INTU: variants seen among roughly 807,000 people sequenced by gnomAD.
INTU encodes the protein protein inturned.
In INTU, 68 loss-of-function variants were observed where a neutral mutation model predicts 100.5. That is an observed-to-expected ratio of 0.68 (90% CI 0.56 to 0.83). The LOEUF is 0.83. Among genes scored for constraint, INTU ranks in the 40% least tolerant of loss-of-function variants. INTU has a pLI of 0.00. For missense variants in INTU, 1,071 were observed against 1,114.7 expected (o/e 0.96, Z 0.56); for synonymous variants, 357 against 395.7 (o/e 0.90, Z 1.16).
rs933766487 is a variant in INTU, at chr4:127,720,517, G to T, written c.*4081G>T. On this transcript the variant is annotated 3_prime_UTR_variant, in exon 16 of 16. Transcript: ENST00000335251. ...AGGTCCCACTTGATCCAGAGCTGAG[G>T]TCAAGTCCTGAATAACTTTGTTAAT... 2 of 152,088 alleles carry T rather than the reference G, an allele frequency of 1.3e-5. No individual in the cohort carries two copies. Among genetic ancestry groups the T allele is most frequent in the Non-Finnish European group, 2.9e-5 (2 of 68,000 alleles). The allele number at this position is 152,088 out of a possible 1,614,324, so 9.4% of individuals were successfully genotyped here. A position where few individuals can be genotyped will look rare whatever the true frequency, so the allele number is the denominator to read the frequency against.
At chr4:127,687,129 T>G (rs975479264) in intron 7 of INTU, 1 of 152,218 alleles carries the variant, frequency 6.6e-6, no homozygotes, top group South Asian at 2.1e-4. Context: ...TAAGAACTTA[T>G]GCTTGTTATG....
rs1208052965 is a variant in INTU at position 127,688,513 on chromosome 4, G to GCATTATGC, written c.1449+650_1449+657dup. On this transcript the variant is annotated intron_variant, in intron 8 of 15. Coordinates refer to ENST00000335251, the MANE Select transcript of INTU (RefSeq NM_015693.4). ...AGCATTTGTATTAGTATTAAATGAG[G>GCATTATGC]CATTATGCCATAGCCACTTCTCTGC... Among the ~76,000 whole-genome samples the GCATTATGC allele has an allele frequency of 2.0e-5, 3 of 152,102 alleles. No homozygotes were observed. The East Asian group carries it at 5.8e-4, about 29-fold the overall frequency.
intron 7 of INTU, among the ~76,000 whole-genome samples, chr4:127,684,862 A>T (rs905534556): frequency 1.3e-5 from 2 of 151,886 alleles, no homozygotes; most frequent in African/African-American, 2.4e-5. Flanking sequence ...ATATAACCAC[A>T]ACTGTGTTCT....
At position 127,680,802 on chromosome 4, in the gene INTU, A is replaced by C. The variant is rs924237330; in HGVS notation, c.1182-3607A>C. Among the ~76,000 whole-genome samples the C allele has an allele frequency of 4.5e-3, 677 of 151,408 alleles. 5 individuals carry two copies. The highest frequency in any genetic ancestry group is 0.016 in the African/African-American group (657 of 41,240). On this transcript the variant is annotated intron_variant, in intron 6 of 15. Transcript: ENST00000335251. ...AAGGGTATTCAATTAGGAAAAGAGG[A>C]AGTCAAATTGTCCCTGTTTGCAGAT... is the stretch of plus-strand genomic sequence containing the variant.
intron 2 of INTU, among the ~76,000 whole-genome samples, chr4:127,653,006 C>A (rs1384706237): frequency 6.6e-6 from 1 of 151,240 alleles, no homozygotes; most frequent in South Asian, 2.1e-4. Context: ...AGTTTATTTG[C>A]GTAGAGGTGT....
chr4:127,678,042 G>A (rs1312221876), intron 6 of INTU, among the ~76,000 whole-genome samples: 2 of 152,084 alleles, frequency 1.3e-5, no homozygotes, highest in African/African-American at 4.8e-5. Flanking sequence ...AAGAAGGGAA[G>A]TTTAGAGAAA....
Position 127,726,703 on chromosome 4 carries a change from GT to G in INTU, c.*10271del, listed in dbSNP as rs1731424278. ...AAGCTACTTTTATACTATATTGATA[GT>G]TTTAAATAAAACTGGTTTGGAGGTT... On this transcript the variant is annotated 3_prime_UTR_variant, in exon 16 of 16. Coordinates refer to ENST00000335251, the MANE Select transcript of INTU (RefSeq NM_015693.4). 6.6e-6 allele frequency: 1 copy of G among 152,110 alleles called. No individual in the cohort carries two copies. Among genetic ancestry groups the G allele is most frequent in the Non-Finnish European group, 1.5e-5 (1 of 68,022 alleles). The allele number at this position is 152,110 out of a possible 1,614,324, so 9.4% of individuals were successfully genotyped here.
chr4:127,656,604 A>G (rs1728237783), intron 2 of INTU, 32 bp from the exon 3 acceptor site: 13 of 1,506,404 alleles, frequency 8.6e-6, no homozygotes, highest in Non-Finnish European at 1.2e-5. Context: ...AGATATTCAT[A>G]AAACTATCTT....
intron 15 of INTU, 39 bp from the exon 16 acceptor site, chr4:127,716,286 T>C (rs749822390): frequency 4.1e-6 from 4 of 987,552 alleles, no homozygotes; most frequent in Non-Finnish European, 6.0e-6. Flanking sequence ...TTGTTTGTTG[T>C]TTTAATTTCT....
At chr4:127,655,998 G>A (rs7654838) in intron 2 of INTU, among the ~76,000 whole-genome samples, 3,580 of 152,198 alleles carry the variant, frequency 0.024, 135 homozygotes, top group African/African-American at 0.081. Context: ...AGGTGCGTCC[G>A]TCACCCCTTT....
At chr4:127,647,056 C>A (rs1417137423) in intron 2 of INTU, among the ~76,000 whole-genome samples, 1 of 152,164 alleles carries the variant, frequency 6.6e-6, no homozygotes, top group East Asian at 1.9e-4. Context: ...CTCTAACAAG[C>A]AAGCCTGATT....
chr4:127,688,774 C>T (rs1729952905), intron 8 of INTU, among the ~76,000 whole-genome samples: 1 of 152,090 alleles, frequency 6.6e-6, no homozygotes, highest in Non-Finnish European at 1.5e-5. Flanking sequence ...TTGTGCCCGG[C>T]ACATTGTAGT....
chr4:127,640,081 A>G (rs911834337), intron 1 of INTU, among the ~76,000 whole-genome samples: 1 of 152,152 alleles, frequency 6.6e-6, no homozygotes, highest in Admixed American at 6.5e-5. Flanking sequence ...ATTTAATGCC[A>G]GTTAGAAAAA....
chr4:127,687,462 A>C (rs1276059899), intron 7 of INTU: 5 of 334,138 alleles, frequency 1.5e-5, no homozygotes, highest in Non-Finnish European at 2.8e-5. Context: ...CATCTACTTG[A>C]TACACTTGAG....
chr4:127,660,453 G>C (rs1190478742), intron 3 of INTU, among the ~76,000 whole-genome samples: 1 of 151,688 alleles, frequency 6.6e-6, no homozygotes, highest in Non-Finnish European at 1.5e-5. Flanking sequence ...TGATGGGAGA[G>C]ACGGTGCAGA....
chr4:127,634,369 T>C (rs946196219), intron 1 of INTU, among the ~76,000 whole-genome samples: 1 of 152,208 alleles, frequency 6.6e-6, no homozygotes, highest in Non-Finnish European at 1.5e-5. Context: ...CTTCTCCACA[T>C]TTTAGAGTCG....
At chr4:127,705,538 G>C (rs1196613018) in intron 10 of INTU, 53 bp from the exon 11 acceptor site, 47 of 1,293,020 alleles carry the variant, frequency 3.6e-5, no homozygotes, top group African/African-American at 4.4e-5. Context: ...AATATTATGG[G>C]ACTATTGCTT....
chr4:127,707,096 C>A, intron 12 of INTU, 127 bp downstream of exon 12: 1 of 1,108,308 alleles, frequency 9.0e-7, no homozygotes, highest in Non-Finnish European at 1.3e-6. Flanking sequence ...ATTTCAGTCA[C>A]TGCTGGCAAA....
chr4:127,706,773 G>T lies in INTU; in HGVS notation c.2075G>T (p.Cys692Phe), dbSNP rs1180470931. 5.6e-6 allele frequency: 9 copies of T among 1,614,120 alleles called. No individual in the cohort carries two copies. Among genetic ancestry groups the T allele is most frequent in the Non-Finnish European group, 7.6e-6 (9 of 1,179,996 alleles). ...TCCAAAGTAGCAACTTCTCCAACATGCAGAAGAACGCTTTTTGGTGACTAT... is the reference window on the plus strand; with the variant it reads ...TCCAAAGTAGCAACTTCTCCAACATTCAGAAGAACGCTTTTTGGTGACTAT... Reference protein sequence around the residue: ...GTSKVATSPTCRRTLFGDYSL... With the variant: ...GTSKVATSPTFRRTLFGDYSL... The change falls in exon 12 of 16, where the codon TGC (cysteine) becomes TTC (phenylalanine). Residue 692 changes from cysteine (C) to phenylalanine (F), a missense_variant. Coordinates refer to ENST00000335251, the MANE Select transcript of INTU (RefSeq NM_015693.4).
Sources: allele counts gnomAD v4.1 joint callset (sites outside exome capture counted in the v4.1 genomes callset), GRCh38; gene constraint gnomAD v4.1.1; transcripts MANE v1.5; gene names NCBI Gene and HGNC (gene_info 2026-07-23, HGNC 2026-07-21).